Variants in ALG1L2 observed in about 807,000 individuals in gnomAD.
ALG1L2 encodes putative glycosyltransferase ALG1L2.
ALG1L2 carries 32 observed loss-of-function variants against 29.0 expected under a neutral mutation model. That is an observed-to-expected ratio of 1.10 (90% CI 0.83 to 1.48). ALG1L2 has a LOEUF of 1.48. Among genes scored for constraint, ALG1L2 ranks in the 40% most tolerant of loss-of-function variants. The probability of loss-of-function intolerance (pLI) is 0.00; values close to 1 mark genes in which losing one functional copy is unlikely to be tolerated. For missense variants in ALG1L2, 318 were observed against 274.1 expected, an observed-to-expected ratio of 1.16 and a Z score of -1.13; for synonymous variants, 110 against 109.5, an observed-to-expected ratio of 1.00 and a Z score of -0.03.
chr3:130,093,043 A>T (rs1935053151), intron 3 of ALG1L2, 58 bp from the exon 4 acceptor site: 6 of 1,502,872 alleles, frequency 4.0e-6, no homozygotes, highest in Non-Finnish European at 5.4e-6. Context: ...AAAAAAAAAA[A>T]AAAAAAAAAA....
At position 130,097,373 on chromosome 3, in the gene ALG1L2, G is replaced by C. The variant is rs910075506; in HGVS notation, c.615+123G>C. 1.6e-5 allele frequency: 23 copies of C among 1,442,810 alleles called. No individual in the cohort carries two copies. In the Admixed American group the frequency reaches 4.9e-4, roughly 31 times the overall value. The allele number at this position is 1,442,810 out of a possible 1,614,324, so 89.4% of individuals were successfully genotyped here. ...CATGCGGGGTCTGGCGGAAAAGCTA[G>C]GGAGGGAGCAGAAGTCACAGAGGCT... On this transcript the variant is annotated intron_variant, in intron 7 of 7. Transcript: ENST00000425059.
Position 130,090,442 on chromosome 3 carries a change from G to C in ALG1L2, c.21-819G>C, listed in dbSNP as rs1934992184. ...CTTTGGACCCTGAATACCCTGCAGT[G>C]AGAATTCCCCTGTGGTTCTCAGGCT... On this transcript the variant is annotated intron_variant, in intron 1 of 7. Transcript: ENST00000425059. Among the ~76,000 whole-genome samples the C allele has an allele frequency of 3.3e-5, 5 of 152,426 alleles. No homozygotes were observed. The South Asian group carries it at 1.0e-3, about 32-fold the overall frequency.
chr3:130,094,289 G>C (rs1935082924), intron 4 of ALG1L2, 114 bp from the exon 5 acceptor site: 1 of 1,352,202 alleles, frequency 7.4e-7, no homozygotes, highest in Non-Finnish European at 1.0e-6. Flanking sequence ...TGCAGCTGCC[G>C]AGGGGTGGAG....
At chr3:130,083,594 A>T (rs1184507255) in intron 1 of ALG1L2, among the ~76,000 whole-genome samples, 1 of 133,764 alleles carries the variant, frequency 7.5e-6, no homozygotes, top group African/African-American at 2.5e-5. Flanking sequence ...GTTCCTATTT[A>T]AATCTGGCAT....
chr3:130,093,395 T>A (rs2108122024), intron 4 of ALG1L2, among the ~76,000 whole-genome samples: 1 of 151,768 alleles, frequency 6.6e-6, no homozygotes, highest in South Asian at 2.1e-4. Context: ...TTTTCAGTAG[T>A]TTCCAAGCAT....
rs1934940223 is a variant in ALG1L2, at chr3:130,088,460, C to T, written c.21-2801C>T. 2.0e-5 allele frequency among the ~76,000 whole-genome samples: 3 copies of T among 152,306 alleles called. No homozygotes were observed. The South Asian group carries it at 6.2e-4, about 31-fold the overall frequency. ...TGAGACCGAGTCTCACTCTGTTGCC[C>T]AGGCTGGAGTGCAGTGGCTTGATCT... is the stretch of plus-strand genomic sequence containing the variant. On this transcript the variant is annotated intron_variant, in intron 1 of 7. Coordinates refer to ENST00000425059, the MANE Select transcript of ALG1L2 (RefSeq NM_001136152.1).
intron 1 of ALG1L2, chr3:130,089,500 A>G (rs1934963307): frequency 4.6e-5 from 7 of 151,322 alleles, no homozygotes; most frequent in Admixed American, 4.6e-4. Context: ...AAAAAAGAAA[A>G]AAAAAAGAAC....
chr3:130,086,528 T>A (rs2108115754), intron 1 of ALG1L2, among the ~76,000 whole-genome samples: 1 of 149,958 alleles, frequency 6.7e-6, no homozygotes, highest in East Asian at 1.9e-4. Flanking sequence ...ATAAAATAAA[T>A]TAGCCAGGTG....
rs752797458 is a variant in ALG1L2 at position 130,092,175 on chromosome 3, G to T, written c.206G>T (p.Arg69Leu). ...ERDSGSGLVT[R>L]LHERPALLVS... Reference sequence around the variant, plus strand: ...GATTCTGGGAGCGGGCTGGTGACGCGTCTCCACGAGCGGCCAGCCCTGCTG... The same window carrying T: ...GATTCTGGGAGCGGGCTGGTGACGCTTCTCCACGAGCGGCCAGCCCTGCTG... Residue 69 changes from arginine to leucine, a missense_variant, in exon 3 of 8, where the codon CGT (arginine) becomes CTT (leucine). Transcript: ENST00000425059. 2 of 1,612,716 alleles carry T rather than the reference G, an allele frequency of 1.2e-6. No homozygotes were observed. The highest frequency in any genetic ancestry group is 1.7e-6 in the Non-Finnish European group (2 of 1,179,636).
At chr3:130,091,894 T>C (rs2108120603) in intron 2 of ALG1L2, 1 of 810,694 alleles carries the variant, frequency 1.2e-6, no homozygotes, top group Admixed American at 2.2e-5. Context: ...TTAGTCAGTC[T>C]TGTTTGCTGT....
rs1442044863 is a variant in ALG1L2, at chr3:130,091,938, A to G, written c.132-163A>G. 5 of 1,160,986 alleles carry G rather than the reference A, an allele frequency of 4.3e-6. No individual in the cohort carries two copies. The Admixed American group carries it at 6.5e-5, about 15-fold the overall frequency. 71.9% of individuals were successfully genotyped at this position (1,160,986 alleles called of 1,614,324 possible). ...TAGCACCCAGCAACAATATTAGAGA[A>G]AGCAAGCCCAGGCCTCGATTGGCAG... On this transcript the variant is annotated intron_variant, in intron 2 of 7. Transcript: ENST00000425059.
Position 130,093,665 on chromosome 3 carries a change from C to A in ALG1L2, c.313+505C>A, listed in dbSNP as rs868650830. Among the ~76,000 whole-genome samples, 9 of 152,164 alleles carry A rather than the reference C, an allele frequency of 5.9e-5. No individual in the cohort carries two copies. The South Asian group carries it at 1.0e-3, about 18-fold the overall frequency. On this transcript the variant is annotated intron_variant, in intron 4 of 7. Transcript: ENST00000425059. ...TCTTGAACTCCTGACCTCAGGTGATCCACCCGCCTTGGCCTCCCAATATGC... is the reference window on the plus strand; with the variant it reads ...TCTTGAACTCCTGACCTCAGGTGATACACCCGCCTTGGCCTCCCAATATGC...
At chr3:130,090,662 T>C (rs558735294) in intron 1 of ALG1L2, 2 of 152,914 alleles carry the variant, frequency 1.3e-5, no homozygotes, top group African/African-American at 2.4e-5. Flanking sequence ...AGTAAAGCTC[T>C]CGATTAATAT....
Position 130,091,243 on chromosome 3 carries a change from G to A in ALG1L2, c.21-18G>A, listed in dbSNP as rs779462635. On this transcript the variant is annotated intron_variant, in intron 1 of 7. Coordinates refer to ENST00000425059, the MANE Select transcript of ALG1L2 (RefSeq NM_001136152.1). ...CATGCTGGACTAATGCAATAGCCCT[G>A]CCATGATTTCATTGCAGGGCTGTGA... The A allele has an allele frequency of 1.9e-6, 3 of 1,596,084 alleles. 1 individual carries two copies. The South Asian group carries it at 3.3e-5, about 18-fold the overall frequency.
intron 1 of ALG1L2, among the ~76,000 whole-genome samples, chr3:130,086,812 A>G (rs1934899161): frequency 6.6e-6 from 1 of 150,582 alleles, no homozygotes; most frequent in African/African-American, 2.4e-5. Context: ...ACCACAGTGT[A>G]GCCCTCAGCA....
At chr3:130,092,452 T>C (rs1388240822) in intron 3 of ALG1L2, among the ~76,000 whole-genome samples, 4 of 152,204 alleles carry the variant, frequency 2.6e-5, no homozygotes, top group African/African-American at 9.6e-5. Context: ...AAAGTAGGTG[T>C]GTGGCTGCGG....
intron 5 of ALG1L2, 94 bp from the exon 6 acceptor site, chr3:130,095,955 A>C (rs549940456): frequency 3.2e-4 from 429 of 1,357,578 alleles, no homozygotes; most frequent in Admixed American, 4.3e-4. Flanking sequence ...TCCAATTTTC[A>C]CTCCCCTCGG....
At position 130,094,840 on chromosome 3, in the gene ALG1L2, T is replaced by C. The variant is rs370432935; in HGVS notation, c.424+327T>C. 2.6e-5 allele frequency among the ~76,000 whole-genome samples: 4 copies of C among 152,314 alleles called. No homozygotes were observed. In the East Asian group the frequency reaches 5.8e-4, roughly 22 times the overall value. Reference sequence around the variant, plus strand: ...GCCCAGGTGTGGGAGGGCAGTGGCTTTGGGAGGTACAGGGACGATGAGTCA... The same window carrying C: ...GCCCAGGTGTGGGAGGGCAGTGGCTCTGGGAGGTACAGGGACGATGAGTCA... On this transcript the variant is annotated intron_variant, in intron 5 of 7. Coordinates refer to ENST00000425059, the MANE Select transcript of ALG1L2 (RefSeq NM_001136152.1).
In ALG1L2 at chr3:130,096,078, A is replaced by C; in HGVS notation, c.454A>C (p.Thr152Pro). 1 of 1,563,512 alleles carries C rather than the reference A, an allele frequency of 6.4e-7. No homozygotes were observed. Among genetic ancestry groups the C allele is most frequent in the Non-Finnish European group, 8.7e-7 (1 of 1,154,092 alleles). ...GSVDLDVCLD[T>P]SSSGLDLPMK... ...GGTGGACCTGGATGTCTGTCTGGAC[A>C]CGTCCTCCAGTGGCCTGGACCTGCC... is the stretch of plus-strand genomic sequence containing the variant. The change falls in exon 6 of 8, where the codon ACG becomes CCG. Residue 152 changes from threonine (T) to proline (P), a missense_variant. Transcript: ENST00000425059.
Sources: gnomAD v4.1 joint callset for allele counts (sites outside exome capture counted in the v4.1 genomes callset) on GRCh38, gnomAD v4.1.1 for gene constraint, MANE v1.5 for transcripts, NCBI Gene and HGNC (gene_info 2026-07-23, HGNC 2026-07-21) for gene names.